Variants in ATP8B3 observed in about 807,000 individuals in gnomAD.
ATP8B3 encodes phospholipid-transporting ATPase IK.
A neutral mutation model predicts 140.9 loss-of-function variants in ATP8B3; 141 were observed. The ratio of observed to expected loss-of-function variants is 1.00; its 90% CI spans 0.87 to 1.15. ATP8B3 has a LOEUF of 1.15. ATP8B3 is among the 50% of genes most tolerant of loss of function. ATP8B3 has a pLI of 0.00. For missense variants in ATP8B3, 1,874 were observed against 1,740.6 expected (o/e 1.08, Z -1.36); for synonymous variants, 765 against 714.6 (o/e 1.07, Z -1.13).
chr19:1,797,855 A>C (rs2068729723), intron 14 of ATP8B3, among the ~76,000 whole-genome samples: 1 of 151,966 alleles, frequency 6.6e-6, no homozygotes, highest in African/African-American at 2.4e-5. Context: ...CCCAGGCTGC[A>C]GTGCAGTGGT....
In ATP8B3 at chr19:1,806,596, C is replaced by T. The variant is rs966595737; in HGVS notation, c.677+32G>A. On this transcript the variant is annotated intron_variant, in intron 7 of 28. Coordinates refer to ENST00000310127, the MANE Select transcript of ATP8B3 (RefSeq NM_138813.4). This position sits in a 1 kb window ranked among gnomAD's most constrained non-coding sequence, Gnocchi z 5.6. Reference sequence around the variant, plus strand: ...CTGCTGGGCTGGAGCCCCCGTGTCCCCGCGGATCCCCAGCTGCAGCCCCAG... The same window carrying T: ...CTGCTGGGCTGGAGCCCCCGTGTCCTCGCGGATCCCCAGCTGCAGCCCCAG... 23 of 1,551,072 alleles carry T rather than the reference C, an allele frequency of 1.5e-5. No homozygotes were observed. The highest frequency in any genetic ancestry group is 2.7e-5 in the African/African-American group (2 of 73,062).
chr19:1,787,226 CCAGGCACCCAAGGAGCCTGCCAAG>C (rs1006493343), intron 24 of ATP8B3, 40 bp from the exon 25 acceptor site: 21 of 1,544,670 alleles, frequency 1.4e-5, no homozygotes, highest in Middle Eastern at 1.7e-4. Flanking sequence ...AAGTCAGCCT[CCAGGCACCCAAGGAGCCTGCCAAG>C]CAGGCACCCA....
chr19:1,802,122 CA>C (rs2068865441), intron 11 of ATP8B3, 78 bp from the exon 12 acceptor site: 1 of 997,174 alleles, frequency 1.0e-6, no homozygotes, highest in Non-Finnish European at 1.4e-6. Context: ...CCCATCCACC[CA>C]CTCCCCCACT....
chr19:1,784,577 A>C (rs2068243499), intron 28 of ATP8B3, among the ~76,000 whole-genome samples: 1 of 152,216 alleles, frequency 6.6e-6, no homozygotes, highest in African/African-American at 2.4e-5. Flanking sequence ...ACTGGAATCC[A>C]GGGCGGCGTT....
At chr19:1,810,267 CT>C (rs1037336855) in intron 3 of ATP8B3, among the ~76,000 whole-genome samples, 3 of 152,034 alleles carry the variant, frequency 2.0e-5, no homozygotes, top group African/African-American at 4.8e-5. Context: ...GCACTTTTTT[CT>C]TTTTTTTGAG....
At position 1,784,857 on chromosome 19, in the gene ATP8B3, G is replaced by A. The variant is rs753155554; in HGVS notation, c.3622C>T (p.Arg1208Ter). The change falls in exon 28 of 29, where the codon CGA becomes TGA. Residue 1208 changes from arginine to a stop codon, truncating the protein, a stop_gained. Transcript: ENST00000310127. LOFTEE classifies it low-confidence loss of function (END_TRUNC). ...TCCTTGAGGGCTGGGAAGATGACTCGGAGGGCCAGGACAGGGAAGGTGTTT... is the reference window on the plus strand; with the variant it reads ...TCCTTGAGGGCTGGGAAGATGACTCAGAGGGCCAGGACAGGGAAGGTGTTT... ...SINTFPVLAL[R>*]VIFPALKELR... The A allele has an allele frequency of 1.4e-5, 23 of 1,611,330 alleles. No individual in the cohort carries two copies. Among genetic ancestry groups the A allele is most frequent in the Middle Eastern group, 3.3e-4 (2 of 6,078 alleles).
At chr19:1,793,574 G>A (rs1016190831) in intron 18 of ATP8B3, among the ~76,000 whole-genome samples, 1 of 152,188 alleles carries the variant, frequency 6.6e-6, no homozygotes, top group Non-Finnish European at 1.5e-5. Flanking sequence ...CAGGGTTGGG[G>A]CCTCTAGGGG....
rs1600403751 is a variant in ATP8B3 at position 1,789,683 on chromosome 19, C to A, written c.2523G>T (p.Ala841=). 1.9e-6 allele frequency: 3 copies of A among 1,593,484 alleles called. No homozygotes were observed. Among genetic ancestry groups the A allele is most frequent in the Middle Eastern group, 1.8e-4 (1 of 5,712 alleles). Reference sequence around the variant, plus strand: ...ACGCCTCGTCCATGTTCACGTTCTGCGCCAGGGCGCGCGGCTCCTTCCGCA... The same window carrying A: ...ACGCCTCGTCCATGTTCACGTTCTGAGCCAGGGCGCGCGGCTCCTTCCGCA... ...VSLRKEPRAL[A]QNVNMDEAWQ... is the part of the protein sequence containing the mutation. Residue 841 remains alanine, a synonymous_variant, in exon 23 of 29, where the codon GCG becomes GCT. Coordinates refer to ENST00000310127, the MANE Select transcript of ATP8B3 (RefSeq NM_138813.4).
At position 1,789,696 on chromosome 19, in the gene ATP8B3, G is replaced by A. The variant is rs1420908432; in HGVS notation, c.2510C>T (p.Pro837Leu). 1.3e-6 allele frequency: 2 copies of A among 1,586,406 alleles called. No homozygotes were observed. Among genetic ancestry groups the A allele is most frequent in the South Asian group, 2.3e-5 (2 of 88,024 alleles). Reference sequence around the variant, plus strand: ...GTTCACGTTCTGCGCCAGGGCGCGCGGCTCCTTCCGCAGGGACACCAGCAG... The same window carrying A: ...GTTCACGTTCTGCGCCAGGGCGCGCAGCTCCTTCCGCAGGGACACCAGCAG... Reference protein sequence around the residue: ...DKLLVSLRKEPRALAQNVNMD... With the variant: ...DKLLVSLRKELRALAQNVNMD... The change falls in exon 23 of 29, where the codon CCG becomes CTG. Residue 837 changes from proline to leucine, a missense_variant. Physicochemically the swap from Pro to Leu is moderately conservative, Grantham distance 98. This residue lies in a region of ATP8B3 where 840 missense variants were observed against 760.9 expected (regional missense o/e 1.10). Transcript: ENST00000310127.
chr19:1,809,788 C>T (rs1025062305), intron 3 of ATP8B3, 54 bp from the exon 4 acceptor site: 4 of 1,504,712 alleles, frequency 2.7e-6, no homozygotes, highest in South Asian at 2.4e-5. Flanking sequence ...ACAAACACCC[C>T]TAATGACCGC....
At chr19:1,786,335 G>A (rs577777713) in intron 25 of ATP8B3, among the ~76,000 whole-genome samples, 68 of 152,220 alleles carry the variant, frequency 4.5e-4, no homozygotes, top group African/African-American at 1.5e-3. Flanking sequence ...GGAGGCCGAG[G>A]TGGGAGGATC....
Position 1,785,665 on chromosome 19 carries a change from A to G in ATP8B3, c.3197T>C (p.Val1066Ala), listed in dbSNP as rs763935707. The change falls in exon 26 of 29, where the codon GTG becomes GCG. Residue 1066 changes from valine to alanine, a missense_variant. Around this residue, in one of 3 missense-constraint regions of ATP8B3, gnomAD observed 840 missense variants for 760.9 expected, o/e 1.10. Transcript: ENST00000310127. ...GAAGAGCTCGTCCTTCTGCCCCACC[A>G]CGTACAGCTCCGGCTTCTCCAGGCT... ...EQSLEKPELYVVGQKDELFNY... is the reference protein window; with the variant it reads ...EQSLEKPELYAVGQKDELFNY... 3.3e-5 allele frequency: 49 copies of G among 1,494,108 alleles called. No homozygotes were observed. The highest frequency in any genetic ancestry group is 1.8e-4 in the Middle Eastern group (1 of 5,530). The allele number at this position is 1,494,108 out of a possible 1,614,324, so 92.6% of individuals were successfully genotyped here.
At position 1,791,762 on chromosome 19, in the gene ATP8B3, C is replaced by T. The variant is rs773178609; in HGVS notation, c.2290G>A (p.Gly764Arg). Residue 764 changes from glycine (G) to arginine (R), a missense_variant, in exon 20 of 29, where the codon GGG becomes AGG. Transcript: ENST00000310127. ...KSNIKIWVLT[G>R]DKQETAVNIG... ...GCCCGGGACTCACCCTGCTTGTCCCCGGTGAGCACCCATATTTTGATGTTG... is the reference window on the plus strand; with the variant it reads ...GCCCGGGACTCACCCTGCTTGTCCCTGGTGAGCACCCATATTTTGATGTTG... The T allele has an allele frequency of 3.2e-5, 51 of 1,610,786 alleles. 1 individual carries two copies. The highest frequency in any genetic ancestry group is 1.9e-4 in the South Asian group (17 of 91,066).
chr19:1,805,514 C>T lies in ATP8B3; in HGVS notation c.822-58G>A. The T allele has an allele frequency of 2.2e-6, 3 of 1,388,022 alleles. No homozygotes were observed. The highest frequency in any genetic ancestry group is 1.4e-5 in the African/African-American group (1 of 69,718). 86.0% of individuals were successfully genotyped at this position (1,388,022 alleles called of 1,614,324 possible). A position where few individuals can be genotyped will look rare whatever the true frequency, so the allele number is the denominator to read the frequency against. On this transcript the variant is annotated intron_variant, in intron 9 of 28. Transcript: ENST00000310127. The surrounding 1 kb of genome is among the most constrained non-coding windows in gnomAD (Gnocchi z 5.2). ...GAGTTGATGGATGCTTCGAGGAGCC[C>T]CCAGACCCCTTCTGGAGTCACTCAA... is the stretch of plus-strand genomic sequence containing the variant.
Position 1,788,983 on chromosome 19 carries a change from T to C in ATP8B3, c.2983A>G (p.Lys995Glu), listed in dbSNP as rs1174077656. Residue 995 changes from lysine (K) to glutamate (E), a missense_variant, in exon 24 of 29, where the codon AAG (lysine) becomes GAG (glutamate). Physicochemically the swap from Lys to Glu is moderately conservative, Grantham distance 56 (BLOSUM62 1). This residue lies in a region of ATP8B3 where 840 missense variants were observed against 760.9 expected (regional missense o/e 1.10). Transcript: ENST00000310127. ...HGRWSYVRIC[K>E]FLRYFFYKSM... ...TTGTAGAAGAAGTAGCGCAGGAACT[T>C]GCAGATCCGCACGTAGGACCAGCGG... is the stretch of plus-strand genomic sequence containing the variant. The C allele has an allele frequency of 6.2e-7, 1 of 1,610,528 alleles. No homozygotes were observed.
At position 1,800,372 on chromosome 19, in the gene ATP8B3, G is replaced by A; in HGVS notation, c.1230C>T (p.His410=). The change falls in exon 13 of 29, where the codon CAC becomes CAT. Residue 410 remains histidine, a synonymous_variant. Transcript: ENST00000310127. The surrounding 1 kb of genome is among the most constrained non-coding windows in gnomAD (Gnocchi z 4.4). The part of the protein sequence containing the change: ...FGFSVKEFKD[H]HYYLSGVHGS... The stretch of plus-strand genomic sequence containing the variant: ...CATGCACCCCCGAGAGGTAGTAGTG[G>A]TGGTCTTTGAATTCTTTGACTGAGA... 1 of 1,612,904 alleles carries A rather than the reference G, an allele frequency of 6.2e-7. No homozygotes were observed. The highest frequency in any genetic ancestry group is 1.1e-5 in the South Asian group (1 of 91,064).
chr19:1,803,925 C>A (rs1479554888), intron 10 of ATP8B3, among the ~76,000 whole-genome samples: 1 of 148,222 alleles, frequency 6.7e-6, no homozygotes, highest in Non-Finnish European at 1.5e-5. Context: ...AAAAAGGAAC[C>A]TTTAGCCAAG....
chr19:1,801,409 A>C (rs1459076248), intron 12 of ATP8B3, among the ~76,000 whole-genome samples: 1 of 152,096 alleles, frequency 6.6e-6, no homozygotes, highest in African/African-American at 2.4e-5. Flanking sequence ...CCTCGGCCCC[A>C]GAACGTGCTG....
chr19:1,787,311 G>A (rs1381273565), intron 24 of ATP8B3, 125 bp from the exon 25 acceptor site: 1 of 730,388 alleles, frequency 1.4e-6, no homozygotes, highest in African/African-American at 1.8e-5. Context: ...CAAGGTTGGG[G>A]CTGGGACTGG....
Sources: allele counts gnomAD v4.1 joint callset (sites outside exome capture counted in the v4.1 genomes callset), GRCh38; gene constraint gnomAD v4.1.1; regional missense constraint gnomAD v4.1.1; non-coding constraint Gnocchi (gnomAD v3.1); transcripts MANE v1.5; gene names NCBI Gene and HGNC (gene_info 2026-07-23, HGNC 2026-07-21).